The following TLN2 variants were observed in gnomAD, a reference collection of about 807,000 sequenced individuals.
TLN2 encodes the protein talin-2.
Under a neutral mutation model 294.7 loss-of-function variants are expected in TLN2, and 118 were observed. The ratio of observed to expected loss-of-function variants is 0.40; its 90% CI spans 0.34 to 0.47. The LOEUF (loss-of-function observed/expected upper bound fraction) is 0.47. Among genes scored for constraint, TLN2 ranks in the 20% least tolerant of loss-of-function variants. The pLI is 0.84. For missense variants in TLN2, 3,083 were observed against 3,282.2 expected (o/e 0.94, Z 1.48); for synonymous variants, 1,431 against 1,304.5 (o/e 1.10, Z -2.09).
intron 2 of TLN2, among the ~76,000 whole-genome samples, chr15:62,614,847 G>GT: frequency 6.6e-6 from 1 of 152,272 alleles, no homozygotes; most frequent in East Asian, 1.9e-4. Flanking sequence ...TTGAGATGGA[G>GT]TTTCGCTCTG....
chr15:62,513,257 T>G (rs1421902040), intron 1 of TLN2, among the ~76,000 whole-genome samples: 2 of 152,190 alleles, frequency 1.3e-5, no homozygotes, highest in African/African-American at 4.8e-5. Context: ...GTGCTTTTCC[T>G]TTGCTTGCTG....
At chr15:62,694,454 C>A in intron 14 of TLN2, 62 bp downstream of exon 14, 1 of 1,411,360 alleles carries the variant, frequency 7.1e-7, no homozygotes. Flanking sequence ...TTTCCTCTTG[C>A]CAGCTTGGAG....
chr15:62,455,867 G>A (rs934103357), intron 1 of TLN2, among the ~76,000 whole-genome samples: 8 of 152,042 alleles, frequency 5.3e-5, no homozygotes, highest in Non-Finnish European at 1.0e-4. Context: ...CTCTACCGCC[G>A]CCACCTGTTC....
At chr15:62,446,959 T>G (rs2035850774) in intron 1 of TLN2, among the ~76,000 whole-genome samples, 1 of 148,424 alleles carries the variant, frequency 6.7e-6, no homozygotes, top group Non-Finnish European at 1.5e-5. Flanking sequence ...ACGTGGATCA[T>G]CAGTTCTGCA....
intron 1 of TLN2, among the ~76,000 whole-genome samples, chr15:62,520,981 C>G (rs976788180): frequency 6.6e-6 from 1 of 152,170 alleles, no homozygotes; most frequent in African/African-American, 2.4e-5. Context: ...ACATCATTGC[C>G]TGCTGTTGGC....
intron 1 of TLN2, among the ~76,000 whole-genome samples, chr15:62,397,062 G>A (rs2032610080): frequency 6.6e-6 from 1 of 152,038 alleles, no homozygotes; most frequent in South Asian, 2.1e-4. Context: ...CCTAATTGAG[G>A]CCCAGAGAGG....
intron 32 of TLN2, among the ~76,000 whole-genome samples, chr15:62,741,591 G>A (rs905773868): frequency 6.6e-6 from 1 of 152,144 alleles, no homozygotes; most frequent in African/African-American, 2.4e-5. Flanking sequence ...ATCATATTAC[G>A]TATAAGAAAG....
intron 1 of TLN2, among the ~76,000 whole-genome samples, chr15:62,391,325 C>G (rs530333908): frequency 3.8e-4 from 58 of 152,352 alleles, no homozygotes; most frequent in African/African-American, 1.3e-3. Context: ...GAACTGCTGG[C>G]CGCTGAGCGA....
At chr15:62,635,157 C>T (rs1163353284) in intron 3 of TLN2, among the ~76,000 whole-genome samples, 1 of 152,112 alleles carries the variant, frequency 6.6e-6, no homozygotes, top group Non-Finnish European at 1.5e-5. Context: ...ACAGCTGATA[C>T]TTGTACATTC....
intron 9 of TLN2, among the ~76,000 whole-genome samples, chr15:62,663,045 G>A (rs896971650): frequency 6.6e-6 from 1 of 151,916 alleles, no homozygotes; most frequent in Non-Finnish European, 1.5e-5. Flanking sequence ...GGATGGTCTC[G>A]ATCTCCTGAT....
chr15:62,491,524 A>G (rs2038727428), intron 1 of TLN2, among the ~76,000 whole-genome samples: 2 of 152,130 alleles, frequency 1.3e-5, no homozygotes, highest in African/African-American at 4.8e-5. Context: ...TAGCCCTTCC[A>G]AAGTGGGCAA....
rs1207681112 is a variant in TLN2, at chr15:62,694,140, G to GTA, written c.1216-166_1216-165dup. Among the ~76,000 whole-genome samples, 3 of 151,666 alleles carry GTA rather than the reference G, an allele frequency of 2.0e-5. No homozygotes were observed. In the South Asian group the frequency reaches 6.3e-4, roughly 32 times the overall value. ...CTGTCACCATGCCAGGCTGATTTAT[G>GTA]TATATATATATTTTTTATTAGAGAC... On this transcript the variant is annotated intron_variant, in intron 13 of 58. Transcript: ENST00000636159.
intron 43 of TLN2, among the ~76,000 whole-genome samples, chr15:62,779,525 T>G (rs1243183268): frequency 1.3e-5 from 2 of 152,228 alleles, no homozygotes; most frequent in Non-Finnish European, 2.9e-5. Context: ...AGTCACTACT[T>G]TGTTCTTTCT....
chr15:62,590,386 T>A lies in TLN2; in HGVS notation c.-162+624T>A, dbSNP rs1251343197. Among the ~76,000 whole-genome samples, 5 of 152,320 alleles carry A rather than the reference T, an allele frequency of 3.3e-5. No individual in the cohort carries two copies. In the East Asian group the frequency reaches 9.6e-4, roughly 29 times the overall value. On this transcript the variant is annotated intron_variant, in intron 2 of 58. Coordinates refer to ENST00000636159, the MANE Select transcript of TLN2 (RefSeq NM_015059.3). The stretch of plus-strand genomic sequence containing the variant: ...ATTGTTTCCGTGTGTTCTCATCATT[T>A]AGCTCACATTTATAAGTGAGAATAT...
chr15:62,781,097 C>A, intron 43 of TLN2, 43 bp from the exon 44 acceptor site: 1 of 1,454,188 alleles, frequency 6.9e-7, no homozygotes, highest in Non-Finnish European at 9.7e-7. Flanking sequence ...TACACTTCAG[C>A]AGGCTTCTTA....
chr15:62,838,924 C>T lies in TLN2; in HGVS notation c.7443C>T (p.Gly2481=). Residue 2481 remains glycine (G), a synonymous_variant, in exon 58 of 59, where the codon GGC becomes GGT. Transcript: ENST00000636159. ...GTGCAGCCCAGAAGGCAGCTTTTGGCAAAGCTGATGACGACGATGTTGTAG... is the reference window on the plus strand; with the variant it reads ...GTGCAGCCCAGAAGGCAGCTTTTGGTAAAGCTGATGACGACGATGTTGTAG... ...LVRAAQKAAF[G]KADDDDVVVK... The T allele has an allele frequency of 6.2e-7, 1 of 1,613,350 alleles. No homozygotes were observed. The highest frequency in any genetic ancestry group is 8.5e-7 in the Non-Finnish European group (1 of 1,180,014).
chr15:62,469,479 A>G lies in TLN2; in HGVS notation c.-238+78794A>G, dbSNP rs531878822. On this transcript the variant is annotated intron_variant, in intron 1 of 58. Coordinates refer to ENST00000636159, the MANE Select transcript of TLN2 (RefSeq NM_015059.3). ...TGTGCCCGTGCATTTTGAAGTCCCA[A>G]GCTTTTTTAAATTGGCCCCAGAGGA... is the stretch of plus-strand genomic sequence containing the variant. Among the ~76,000 whole-genome samples, 9 of 152,360 alleles carry G rather than the reference A, an allele frequency of 5.9e-5. 1 individual carries two copies. The South Asian group carries it at 1.9e-3, about 32-fold the overall frequency.
intron 3 of TLN2, among the ~76,000 whole-genome samples, chr15:62,625,597 G>A (rs2140872448): frequency 6.6e-6 from 1 of 152,304 alleles, no homozygotes. Context: ...GGAACAGTTA[G>A]GCTACTGCAC....
intron 3 of TLN2, among the ~76,000 whole-genome samples, chr15:62,631,715 C>A (rs2049920181): frequency 6.8e-6 from 1 of 148,136 alleles, no homozygotes; most frequent in Admixed American, 6.8e-5. Context: ...CCCTCCCTCC[C>A]TCCCTCCTCC....
Sources: allele counts gnomAD v4.1 joint callset (sites outside exome capture counted in the v4.1 genomes callset), GRCh38; gene constraint gnomAD v4.1.1; transcripts MANE v1.5; gene names NCBI Gene and HGNC (gene_info 2026-07-23, HGNC 2026-07-21).